QSOX2: variants seen among roughly 807,000 people sequenced by gnomAD.
The protein encoded by QSOX2 is sulfhydryl oxidase 2.
A neutral mutation model predicts 61.7 loss-of-function variants in QSOX2; 46 were observed. The observed-to-expected ratio is 0.75, with a 90% CI of 0.59 to 0.95. The LOEUF (loss-of-function observed/expected upper bound fraction) is 0.95. QSOX2 is among the 40% of genes least tolerant of loss of function. The probability of loss-of-function intolerance (pLI) is 0.00; values close to 1 mark genes in which losing one functional copy is unlikely to be tolerated. For missense variants in QSOX2, 879 were observed against 918.9 expected, an observed-to-expected ratio of 0.96 and a Z score of 0.56; for synonymous variants, 383 against 388.4, an observed-to-expected ratio of 0.99 and a Z score of 0.16.
In QSOX2 at chr9:136,208,591, G is replaced by T; in HGVS notation, c.*137C>A. On this transcript the variant is annotated 3_prime_UTR_variant, in exon 12 of 12. Transcript: ENST00000358701. Reference sequence around the variant, plus strand: ...GCGTTTGTAAAACCAGGACTTTGAAGCCAAAAGGTGCCATCCGATGTGAAA... The same window carrying T: ...GCGTTTGTAAAACCAGGACTTTGAATCCAAAAGGTGCCATCCGATGTGAAA... The T allele has an allele frequency of 9.8e-7, 1 of 1,021,032 alleles. No individual in the cohort carries two copies. The highest frequency in any genetic ancestry group is 1.4e-6 in the Non-Finnish European group (1 of 732,272). 63.2% of individuals were successfully genotyped at this position (1,021,032 alleles called of 1,614,324 possible).
Position 136,221,438 on chromosome 9 carries a change from C to T in QSOX2, c.821+358G>A, listed in dbSNP as rs886596485. Among the ~76,000 whole-genome samples the T allele has an allele frequency of 2.0e-5, 3 of 152,232 alleles. No individual in the cohort carries two copies. The highest frequency in any genetic ancestry group is 7.2e-5 in the African/African-American group (3 of 41,462). ...CCCAGACACAGACCCAAACTGCATC[C>T]CAAGAGTCCACCCAGAGCAGGGTTT... On this transcript the variant is annotated intron_variant, in intron 6 of 11. Transcript: ENST00000358701. The surrounding 1 kb of genome is among the most constrained non-coding windows in gnomAD (Gnocchi z 4.5).
At position 136,207,783 on chromosome 9, in the gene QSOX2, T is replaced by C. The variant is rs1302973211; in HGVS notation, c.*945A>G. On this transcript the variant is annotated 3_prime_UTR_variant, in exon 12 of 12. Coordinates refer to ENST00000358701, the MANE Select transcript of QSOX2 (RefSeq NM_181701.4). Reference sequence around the variant, plus strand: ...TTAGAAGTCTCCCTGGGGCCTACGCTCCCAAGGGCAGACTGCTCTCCTCCC... The same window carrying C: ...TTAGAAGTCTCCCTGGGGCCTACGCCCCCAAGGGCAGACTGCTCTCCTCCC... 1 of 152,094 alleles carries C rather than the reference T, an allele frequency of 6.6e-6. No individual in the cohort carries two copies. Among genetic ancestry groups the C allele is most frequent in the Non-Finnish European group, 1.5e-5 (1 of 68,034 alleles). 9.4% of individuals were successfully genotyped at this position (152,094 alleles called of 1,614,324 possible). A position where few individuals can be genotyped will look rare whatever the true frequency, so the allele number is the denominator to read the frequency against.
chr9:136,216,861 G>A, intron 8 of QSOX2, 139 bp from the exon 9 acceptor site: 1 of 1,105,374 alleles, frequency 9.0e-7, no homozygotes, highest in Non-Finnish European at 1.3e-6. Flanking sequence ...CATAACTCGG[G>A]TTTCTCTGAT....
chr9:136,226,173 C>A (rs1417631426), intron 2 of QSOX2, among the ~76,000 whole-genome samples: 1 of 152,208 alleles, frequency 6.6e-6, no homozygotes, highest in Non-Finnish European at 1.5e-5. Flanking sequence ...GGAAGTGGGC[C>A]CAAGGCGCCC....
At position 136,209,751 on chromosome 9, in the gene QSOX2, G is replaced by A; in HGVS notation, c.1550-476C>T. The stretch of plus-strand genomic sequence containing the variant: ...GCCACCTGGGTGCTATGGACAGTGG[G>A]CCTTAGGTGCACCTTCAGGAAAGGG... On this transcript the variant is annotated intron_variant, in intron 11 of 11. Coordinates refer to ENST00000358701, the MANE Select transcript of QSOX2 (RefSeq NM_181701.4). This position sits in a 1 kb window ranked among gnomAD's most constrained non-coding sequence, Gnocchi z 5.6. 1 of 985,012 alleles carries A rather than the reference G, an allele frequency of 1.0e-6. No individual in the cohort carries two copies. Among genetic ancestry groups the A allele is most frequent in the South Asian group, 4.7e-5 (1 of 21,270 alleles). 61.0% of individuals were successfully genotyped at this position (985,012 alleles called of 1,614,324 possible).
At chr9:136,220,353 A>G (rs1314925890) in intron 6 of QSOX2, among the ~76,000 whole-genome samples, 1 of 152,170 alleles carries the variant, frequency 6.6e-6, no homozygotes, top group African/African-American at 2.4e-5. Context: ...ATACTTAAGA[A>G]ACTGCGGTGT....
At position 136,208,740 on chromosome 9, in the gene QSOX2, G is replaced by A. The variant is rs1831807513; in HGVS notation, c.2085C>T (p.His695=). The A allele has an allele frequency of 6.2e-7, 1 of 1,608,716 alleles. No homozygotes were observed. Among genetic ancestry groups the A allele is most frequent in the Admixed American group, 1.7e-5 (1 of 59,896 alleles). The stretch of plus-strand genomic sequence containing the variant: ...AGCACCCGGGCACTCACACGGCCGG[G>A]TGGTGGTGCTTGACCTTCCACCGCC... The part of the protein sequence containing the change: ...RSRRWKVKHH[H]PAV The change falls in exon 12 of 12, where the codon CAC becomes CAT. Residue 695 remains histidine, a synonymous_variant. Transcript: ENST00000358701.
chr9:136,219,171 G>A lies in QSOX2; in HGVS notation c.822-7C>T, dbSNP rs748807520. 11 of 1,612,170 alleles carry A rather than the reference G, an allele frequency of 6.8e-6. No individual in the cohort carries two copies. Among genetic ancestry groups the A allele is most frequent in the Non-Finnish European group, 9.3e-6 (11 of 1,179,104 alleles). On this transcript the variant is annotated splice_polypyrimidine_tract_variant and splice_region_variant and intron_variant, in intron 6 of 11. Transcript: ENST00000358701. ...GGCCCGCAGAGGCTTCACGCTGTGA[G>A]AGAGGGGAGGGCAAAGGTGAGAAGA...
At position 136,245,760 on chromosome 9, in the gene QSOX2, C is replaced by A; in HGVS notation, c.44G>T (p.Gly15Val). Residue 15 changes from glycine (G) to valine (V), a missense_variant, in exon 1 of 12, where the codon GGA (glycine) becomes GTA (valine). Physicochemically the swap from Gly to Val is moderately radical, Grantham distance 109 (BLOSUM62 -3). Transcript: ENST00000358701. ...CCGGGCTCTCAGCGCAGGTCCCGCT[C>A]CGATTCCCGGGCTGCGCGCCACCGC... Reference protein sequence around the residue: ...GAAVARSPGIGAGPALRARRS... With the variant: ...GAAVARSPGIVAGPALRARRS... The A allele has an allele frequency of 8.6e-7, 1 of 1,156,466 alleles. No individual in the cohort carries two copies. Among genetic ancestry groups the A allele is most frequent in the South Asian group, 4.1e-5 (1 of 24,118 alleles). 71.6% of individuals were successfully genotyped at this position (1,156,466 alleles called of 1,614,324 possible).
chr9:136,227,644 T>G (rs773164791), intron 1 of QSOX2, among the ~76,000 whole-genome samples: 1 of 152,168 alleles, frequency 6.6e-6, no homozygotes, highest in Non-Finnish European at 1.5e-5. Flanking sequence ...CAGCACGTCA[T>G]TTCTACACAA....
chr9:136,222,066 G>T lies in QSOX2; in HGVS notation c.676-125C>A. The T allele has an allele frequency of 2.1e-6, 2 of 954,968 alleles. No individual in the cohort carries two copies. The highest frequency in any genetic ancestry group is 2.9e-6 in the Non-Finnish European group (2 of 684,352). The allele number at this position is 954,968 out of a possible 1,614,324, so 59.2% of individuals were successfully genotyped here. A position where few individuals can be genotyped will look rare whatever the true frequency, so the allele number is the denominator to read the frequency against. On this transcript the variant is annotated intron_variant, in intron 5 of 11. Transcript: ENST00000358701. The surrounding 1 kb of genome is among the most constrained non-coding windows in gnomAD (Gnocchi z 6.9). ...GGGCATGAAGTCTGTCCCCCTGCAG[G>T]CAAGACCCTCACTCAAATCTTCACT...
At chr9:136,210,244 G>A (rs1564288730) in intron 11 of QSOX2, 1 of 985,388 alleles carries the variant, frequency 1.0e-6, no homozygotes, top group South Asian at 4.7e-5. Context: ...GCACATCTCC[G>A]AGGGGCCTCC....
intron 1 of QSOX2, among the ~76,000 whole-genome samples, chr9:136,242,381 C>T (rs1459141504): frequency 6.6e-6 from 1 of 152,218 alleles, no homozygotes; most frequent in Non-Finnish European, 1.5e-5. Flanking sequence ...CAGGGCGTGG[C>T]GGGCGCTGGC....
Position 136,208,644 on chromosome 9 carries a change from G to A in QSOX2, c.*84C>T, listed in dbSNP as rs778792745. The A allele has an allele frequency of 1.8e-4, 268 of 1,456,664 alleles. No individual in the cohort carries two copies. The highest frequency in any genetic ancestry group is 2.3e-4 in the Non-Finnish European group (256 of 1,093,662). The allele number at this position is 1,456,664 out of a possible 1,614,324, so 90.2% of individuals were successfully genotyped here. A position where few individuals can be genotyped will look rare whatever the true frequency, so the allele number is the denominator to read the frequency against. On this transcript the variant is annotated 3_prime_UTR_variant, in exon 12 of 12. Coordinates refer to ENST00000358701, the MANE Select transcript of QSOX2 (RefSeq NM_181701.4). ...AGGCCCGCATGTTTATAAAATCCCT[G>A]ATCATAAATATTAAAGCTGCAGGTG... is the stretch of plus-strand genomic sequence containing the variant.
At chr9:136,224,181 GA>G in intron 3 of QSOX2, 69 bp from the exon 4 acceptor site, 2 of 1,263,772 alleles carry the variant, frequency 1.6e-6, no homozygotes, top group Non-Finnish European at 2.3e-6. Context: ...TACACCCAGG[GA>G]CAGCAGCCCC....
rs149849092 is a variant in QSOX2 at position 136,218,329 on chromosome 9, C to G, written c.1086+350G>C. ...CCTCTCCCTCTCTCTCTCCCCCCAG[C>G]CCCCGTGCAGCGCTCCTCTGAGAGC... On this transcript the variant is annotated intron_variant, in intron 8 of 11. Transcript: ENST00000358701. 5.4e-3 allele frequency among the ~76,000 whole-genome samples: 827 copies of G among 152,330 alleles called. 2 individuals are homozygous for G. The highest frequency in any genetic ancestry group is 7.0e-3 in the Non-Finnish European group (477 of 68,016).
At chr9:136,213,813 C>A (rs2131050655) in intron 10 of QSOX2, among the ~76,000 whole-genome samples, 1 of 152,290 alleles carries the variant, frequency 6.6e-6, no homozygotes, top group South Asian at 2.1e-4. Context: ...GTGGGGAAGC[C>A]ACGTTCAGGA....
chr9:136,224,664 A>G (rs1830262428), intron 3 of QSOX2, among the ~76,000 whole-genome samples, 197 bp downstream of exon 3: 1 of 152,280 alleles, frequency 6.6e-6, no homozygotes, highest in South Asian at 2.1e-4. Context: ...ATATTTGCCA[A>G]GCAAGGCAAA....
rs372111319 is a variant in QSOX2 at position 136,209,340 on chromosome 9, C to G, written c.1550-65G>C. 2 of 1,556,930 alleles carry G rather than the reference C, an allele frequency of 1.3e-6. No homozygotes were observed. The highest frequency in any genetic ancestry group is 1.4e-5 in the African/African-American group (1 of 73,566). On this transcript the variant is annotated intron_variant, in intron 11 of 11. Transcript: ENST00000358701. The surrounding 1 kb of genome is among the most constrained non-coding windows in gnomAD (Gnocchi z 5.6). Reference sequence around the variant, plus strand: ...GCTTTGTGCAGCCACGTGCAGCGTGCGGCAACCGGACTCCCACTCCCACCC... The same window carrying G: ...GCTTTGTGCAGCCACGTGCAGCGTGGGGCAACCGGACTCCCACTCCCACCC...
Sources: allele counts gnomAD v4.1 joint callset (sites outside exome capture counted in the v4.1 genomes callset), GRCh38; gene constraint gnomAD v4.1.1; non-coding constraint Gnocchi (gnomAD v3.1); transcripts MANE v1.5; gene names NCBI Gene and HGNC (gene_info 2026-07-23, HGNC 2026-07-21).